ANO6: variants seen among roughly 807,000 people sequenced by gnomAD.
ANO6 encodes the protein anoctamin-6.
ANO6 carries 106 observed loss-of-function variants against 117.5 expected under a neutral mutation model. That is an observed-to-expected ratio of 0.90 (90% confidence interval 0.77 to 1.06). The LOEUF is 1.06. ANO6 is among the 50% of genes least tolerant of loss of function. ANO6 has a pLI of 0.00. For synonymous variants in ANO6, 367 were observed against 385.1 expected, an observed-to-expected ratio of 0.95 and a Z score of 0.55; for missense variants, 955 against 1,121.1, an observed-to-expected ratio of 0.85 and a Z score of 2.12.
chr12:45,217,123 T>C (rs924505492), intron 1 of ANO6, among the ~76,000 whole-genome samples: 10 of 151,844 alleles, frequency 6.6e-5, no homozygotes, highest in African/African-American at 2.4e-4. Context: ...AGAGCTGTTT[T>C]AAGAGCAAAA....
intron 1 of ANO6, among the ~76,000 whole-genome samples, chr12:45,245,150 G>A (rs1483408891): frequency 6.6e-6 from 1 of 152,216 alleles, no homozygotes; most frequent in African/African-American, 2.4e-5. Context: ...GTATGTGCCA[G>A]TTCCTGAAAC....
chr12:45,403,847 T>C (rs1182666974), intron 15 of ANO6, among the ~76,000 whole-genome samples: 1 of 152,202 alleles, frequency 6.6e-6, no homozygotes, highest in African/African-American at 2.4e-5. Flanking sequence ...CAGCACTGGT[T>C]AGAGCTGTGA....
chr12:45,251,225 C>T (rs1017305492), intron 1 of ANO6, among the ~76,000 whole-genome samples: 2 of 152,320 alleles, frequency 1.3e-5, no homozygotes, highest in South Asian at 2.1e-4. Flanking sequence ...CTTGGATATA[C>T]ACTTAACCCA....
intron 1 of ANO6, among the ~76,000 whole-genome samples, chr12:45,236,110 A>T (rs1194893481): frequency 6.6e-6 from 1 of 152,232 alleles, no homozygotes; most frequent in Non-Finnish European, 1.5e-5. Flanking sequence ...GATATAACAG[A>T]ATTTAGAAGA....
chr12:45,301,949 GT>G, intron 1 of ANO6, 64 bp from the exon 2 acceptor site: 4 of 1,381,788 alleles, frequency 2.9e-6, no homozygotes, highest in Non-Finnish European at 3.1e-6. Context: ...TGATTTAAAA[GT>G]ACAGAACTAC....
downstream of ANO6, among the ~76,000 whole-genome samples, chr12:45,435,206 T>C (rs1263585210): frequency 6.6e-6 from 1 of 152,248 alleles, no homozygotes; most frequent in African/African-American, 2.4e-5. Flanking sequence ...CTTGGCAGTT[T>C]GTCAGCCTGG....
chr12:45,268,499 G>T (rs1452962780), intron 1 of ANO6, among the ~76,000 whole-genome samples: 1 of 152,114 alleles, frequency 6.6e-6, no homozygotes, highest in Non-Finnish European at 1.5e-5. Context: ...CAGTCTGGGT[G>T]ACAGAGTGAG....
At chr12:45,380,213 A>C (rs1009894089) in intron 10 of ANO6, among the ~76,000 whole-genome samples, 1 of 152,218 alleles carries the variant, frequency 6.6e-6, no homozygotes, top group Non-Finnish European at 1.5e-5. Flanking sequence ...ATACTGATTC[A>C]TAGAGTCCTA....
chr12:45,343,238 T>C (rs569176532), intron 3 of ANO6, among the ~76,000 whole-genome samples: 16 of 152,300 alleles, frequency 1.1e-4, no homozygotes, highest in East Asian at 1.9e-4. Context: ...CCAGCACTTA[T>C]TGTTAAAACA....
In ANO6 at chr12:45,388,271, T is replaced by C. The variant is rs1296406641; in HGVS notation, c.1276T>C (p.Cys426Arg). The change falls in exon 11 of 20, where the codon TGT (cysteine) becomes CGT (arginine). Residue 426 changes from cysteine to arginine, a missense_variant. Physicochemically the swap from Cys to Arg is radical, Grantham distance 180. Transcript: ENST00000320560. Reference sequence around the variant, plus strand: ...AGCCCGACCAGAATACGAAGCACGATGTACTCACGTAGTGATAAATGAGAT... The same window carrying C: ...AGCCCGACCAGAATACGAAGCACGACGTACTCACGTAGTGATAAATGAGAT... ...EQARPEYEAR[C>R]THVVINEITQ... 6.8e-6 allele frequency: 11 copies of C among 1,614,002 alleles called. No homozygotes were observed. The highest frequency in any genetic ancestry group is 1.1e-5 in the South Asian group (1 of 91,080).
intron 2 of ANO6, among the ~76,000 whole-genome samples, chr12:45,321,830 G>A (rs530367135): frequency 6.6e-6 from 1 of 152,288 alleles, no homozygotes; most frequent in South Asian, 2.1e-4. Flanking sequence ...CAACAGAAAT[G>A]CTGAATGGGT....
chr12:45,339,442 T>G (rs1940917169), intron 3 of ANO6, among the ~76,000 whole-genome samples: 1 of 152,180 alleles, frequency 6.6e-6, no homozygotes, highest in Non-Finnish European at 1.5e-5. Flanking sequence ...TATTTTTTCT[T>G]CTTTGAAAAT....
At chr12:45,236,977 G>A (rs953926973) in intron 1 of ANO6, among the ~76,000 whole-genome samples, 8 of 152,094 alleles carry the variant, frequency 5.3e-5, no homozygotes, top group Non-Finnish European at 7.4e-5. Context: ...CTCTGATGAC[G>A]GGGGATGATG....
At chr12:45,250,781 AAG>A (rs1361183450) in intron 1 of ANO6, among the ~76,000 whole-genome samples, 3 of 151,244 alleles carry the variant, frequency 2.0e-5, no homozygotes, top group African/African-American at 7.3e-5. Flanking sequence ...AAAAAAAAAA[AAG>A]AGACAGTGTC....
At chr12:45,324,210 G>A (rs1021719116) in intron 2 of ANO6, among the ~76,000 whole-genome samples, 9 of 152,234 alleles carry the variant, frequency 5.9e-5, no homozygotes, top group African/African-American at 9.6e-5. Context: ...TGGGATTACA[G>A]GCGTGAGTCA....
intron 3 of ANO6, among the ~76,000 whole-genome samples, chr12:45,336,048 T>G (rs1339254189): frequency 6.6e-6 from 1 of 152,022 alleles, no homozygotes; most frequent in Non-Finnish European, 1.5e-5. Flanking sequence ...GTAGTCACTA[T>G]TGTATTGTTC....
chr12:45,250,400 ATTTATTT>A (rs1217904992), intron 1 of ANO6, among the ~76,000 whole-genome samples: 1 of 152,118 alleles, frequency 6.6e-6, no homozygotes, highest in African/African-American at 2.4e-5. Context: ...TAACTTTATT[ATTTATTT>A]ATCGAGATGG....
chr12:45,326,959 C>T (rs985067701), intron 2 of ANO6, among the ~76,000 whole-genome samples: 1 of 152,152 alleles, frequency 6.6e-6, no homozygotes, highest in Non-Finnish European at 1.5e-5. Context: ...TGCCCTCCCC[C>T]ACTTAGCAGT....
At chr12:45,236,966 T>A (rs1316849442) in intron 1 of ANO6, among the ~76,000 whole-genome samples, 1 of 152,258 alleles carries the variant, frequency 6.6e-6, no homozygotes, top group African/African-American at 2.4e-5. Flanking sequence ...TATTTGCATT[T>A]CTCTGATGAC....
Sources: allele counts gnomAD v4.1 joint callset (sites outside exome capture counted in the v4.1 genomes callset), GRCh38; gene constraint gnomAD v4.1.1; transcripts MANE v1.5; gene names NCBI Gene and HGNC (gene_info 2026-07-23, HGNC 2026-07-21).